Variants in SUN2 observed in about 807,000 individuals in gnomAD.
SUN2 encodes Sad1 and UNC84 domain containing 2, also known as SUN domain-containing protein 2.
In SUN2, 60 loss-of-function variants were observed where a neutral mutation model predicts 100.0. The ratio of observed to expected loss-of-function variants is 0.60; its 90% CI spans 0.49 to 0.74. SUN2 has a LOEUF of 0.74. Among genes scored for constraint, SUN2 ranks in the 30% least tolerant of loss-of-function variants. The pLI, the probability that SUN2 is intolerant of heterozygous loss-of-function variation, is 0.00. For missense variants in SUN2, 834 were observed against 954.6 expected (o/e 0.87, Z 1.66); for synonymous variants, 367 against 403.3 (o/e 0.91, Z 1.08).
chr22:38,745,937 AG>A, intron 7 of SUN2, 126 bp from the exon 8 acceptor site: 17 of 1,372,984 alleles, frequency 1.2e-5, no homozygotes, highest in Non-Finnish European at 1.6e-5. Flanking sequence ...GTGCCCTTCC[AG>A]AGGCATCAGA....
At chr22:38,736,822 T>C (rs2092809870) in intron 17 of SUN2, 1 of 155,638 alleles carries the variant, frequency 6.4e-6, no homozygotes, top group African/African-American at 2.4e-5. Flanking sequence ...GTCCCTTCTC[T>C]CTGGCACATC....
Position 38,751,399 on chromosome 22 carries a change from G to A in SUN2, c.123-26C>T, listed in dbSNP as rs1569305956. The A allele has an allele frequency of 1.9e-6, 3 of 1,611,360 alleles. No homozygotes were observed. The East Asian group carries it at 6.7e-5, about 36-fold the overall frequency. On this transcript the variant is annotated intron_variant, in intron 2 of 17. Coordinates refer to ENST00000689035, the MANE Select transcript of SUN2 (RefSeq NM_015374.3). The stretch of plus-strand genomic sequence containing the variant: ...CTGTGGGACAACCATGAGGGCAGAG[G>A]TAGGGAGCAGGGAGGTGAGCCCAGC...
At chr22:38,752,743 G>C (rs1057511615) in intron 1 of SUN2, 78 bp from the exon 2 acceptor site, 3 of 1,470,784 alleles carry the variant, frequency 2.0e-6, no homozygotes, top group Non-Finnish European at 2.7e-6. Context: ...GTGGGACAGA[G>C]GCATCGCCTC....
In SUN2 at chr22:38,739,521, C is replaced by G; in HGVS notation, c.1579-95G>C. Reference sequence around the variant, plus strand: ...GGGCCAAGGACCCATGGGCTGACCCCTTCTAGGCTTGCACTGTGCTGGTGC... The same window carrying G: ...GGGCCAAGGACCCATGGGCTGACCCGTTCTAGGCTTGCACTGTGCTGGTGC... On this transcript the variant is annotated intron_variant, in intron 13 of 17. Coordinates refer to ENST00000689035, the MANE Select transcript of SUN2 (RefSeq NM_015374.3). This position sits in a 1 kb window ranked among gnomAD's most constrained non-coding sequence, Gnocchi z 6.7. 1 of 1,446,958 alleles carries G rather than the reference C, an allele frequency of 6.9e-7. No individual in the cohort carries two copies. The highest frequency in any genetic ancestry group is 2.4e-5 in the East Asian group (1 of 41,592). The allele number at this position is 1,446,958 out of a possible 1,614,324, so 89.6% of individuals were successfully genotyped here. A position where few individuals can be genotyped will look rare whatever the true frequency, so the allele number is the denominator to read the frequency against.
intron 7 of SUN2, among the ~76,000 whole-genome samples, chr22:38,747,759 A>G (rs557294502): frequency 9.0e-4 from 136 of 151,006 alleles, no homozygotes; most frequent in South Asian, 2.5e-3. Context: ...CCTGGCCAAC[A>G]TGGTGAAACC....
intron 4 of SUN2, among the ~76,000 whole-genome samples, chr22:38,750,624 G>C (rs2092937952): frequency 6.6e-6 from 1 of 152,240 alleles, no homozygotes. Flanking sequence ...AGCCCCACAG[G>C]AAAGTGCTGG....
rs2092871284 is a variant in SUN2 at position 38,742,810 on chromosome 22, C to G, written c.814-255G>C. 1.1e-5 allele frequency: 5 copies of G among 463,712 alleles called. No individual in the cohort carries two copies. The South Asian group carries it at 1.2e-4, about 11-fold the overall frequency. The allele number at this position is 463,712 out of a possible 1,614,324, so 28.7% of individuals were successfully genotyped here. On this transcript the variant is annotated intron_variant, in intron 8 of 17. Transcript: ENST00000689035. ...GAGGACACAGTACCGAAGTCTGATCCCAGAGGAGGAAGGAAGGTGGGCCGG... is the reference window on the plus strand; with the variant it reads ...GAGGACACAGTACCGAAGTCTGATCGCAGAGGAGGAAGGAAGGTGGGCCGG...
intron 7 of SUN2, among the ~76,000 whole-genome samples, chr22:38,746,126 T>C (rs528581734): frequency 1.3e-5 from 2 of 152,340 alleles, no homozygotes; most frequent in South Asian, 4.1e-4. Context: ...CTGATGGTGG[T>C]TCTCAGCCCT....
rs529640737 is a variant in SUN2, at chr22:38,740,925, G to T, written c.1190+82C>A. 99 of 1,410,648 alleles carry T rather than the reference G, an allele frequency of 7.0e-5. No homozygotes were observed. Among genetic ancestry groups the T allele is most frequent in the Non-Finnish European group, 9.3e-5 (95 of 1,023,376 alleles). The allele number at this position is 1,410,648 out of a possible 1,614,324, so 87.4% of individuals were successfully genotyped here. ...CAAGATGATCAGAACTCTCTGCTCT[G>T]CGGCTCTGCTCCCCAGTCCTGCCTG... On this transcript the variant is annotated intron_variant, in intron 11 of 17. Transcript: ENST00000689035. This position sits in a 1 kb window ranked among gnomAD's most constrained non-coding sequence, Gnocchi z 4.8.
At chr22:38,742,017 G>A (rs1156262619) in intron 9 of SUN2, among the ~76,000 whole-genome samples, 1 of 152,094 alleles carries the variant, frequency 6.6e-6, no homozygotes, top group South Asian at 2.1e-4. Context: ...GTGCACGCCT[G>A]TAATCCAGCT....
intron 4 of SUN2, 89 bp downstream of exon 4, chr22:38,750,809 C>G (rs190604592): frequency 6.4e-7 from 1 of 1,566,268 alleles, no homozygotes; most frequent in African/African-American, 1.4e-5. Context: ...ATGCTGCCCT[C>G]TCTCCAGCTC....
rs145042745 is a variant in SUN2 at position 38,749,782 on chromosome 22, C to T, written c.598G>A (p.Val200Ile). 6.2e-6 allele frequency: 10 copies of T among 1,614,036 alleles called. No individual in the cohort carries two copies. Among genetic ancestry groups the T allele is most frequent in the East Asian group, 2.2e-5 (1 of 44,896 alleles). Residue 200 changes from valine (V) to isoleucine (I), a missense_variant, in exon 6 of 18, where the codon GTC (valine) becomes ATC (isoleucine). By Grantham distance (29) the Val-to-Ile change is conservative (BLOSUM62 3). Coordinates refer to ENST00000689035, the MANE Select transcript of SUN2 (RefSeq NM_015374.3). ...RLTTAASLLD[V>I]FVLTRRFSSL... is the part of the protein sequence containing the mutation. ...CTCGCTCACCTGGTTAAAACGAAGACGTCAAGGAGGGAGGCAGCTGTGGTC... is the reference window on the plus strand; with the variant it reads ...CTCGCTCACCTGGTTAAAACGAAGATGTCAAGGAGGGAGGCAGCTGTGGTC...
Position 38,736,199 on chromosome 22 carries a change from G to C in SUN2, c.*68C>G. 1 of 1,444,536 alleles carries C rather than the reference G, an allele frequency of 6.9e-7. No individual in the cohort carries two copies. The highest frequency in any genetic ancestry group is 1.2e-5 in the South Asian group (1 of 86,292). 89.5% of individuals were successfully genotyped at this position (1,444,536 alleles called of 1,614,324 possible). ...AGAAGTCAGAGCGCCGAGCAAGCGT[G>C]TGGGGGAAGCGGCGGGGTGCTGTTC... On this transcript the variant is annotated 3_prime_UTR_variant, in exon 18 of 18. Transcript: ENST00000689035.
chr22:38,754,938 C>T, intron 1 of SUN2: 1 of 1,289,308 alleles, frequency 7.8e-7, no homozygotes, highest in Non-Finnish European at 1.0e-6. Context: ...GGTCGAGGCC[C>T]CATTCTCCAA....
rs762835031 is a variant in SUN2 at position 38,752,496 on chromosome 22, T to G, written c.122+11A>C. The G allele has an allele frequency of 6.2e-7, 1 of 1,604,714 alleles. No individual in the cohort carries two copies. Among genetic ancestry groups the G allele is most frequent in the African/African-American group, 1.3e-5 (1 of 74,778 alleles). ...GCTGTCAGGGGCCGTGGCACTCCCTTGGGTCCCTACCTGAGAGGACTGTCT... is the reference window on the plus strand; with the variant it reads ...GCTGTCAGGGGCCGTGGCACTCCCTGGGGTCCCTACCTGAGAGGACTGTCT... On this transcript the variant is annotated intron_variant, in intron 2 of 17. Coordinates refer to ENST00000689035, the MANE Select transcript of SUN2 (RefSeq NM_015374.3).
Position 38,741,508 on chromosome 22 carries a change from C to T in SUN2, c.1132G>A (p.Val378Ile), listed in dbSNP as rs139004902. ...AGCCCGCTGACCTGGGAGGCCCGGA[C>T]GATCTTCTTGAAGAGGTCTTCTGAG... is the stretch of plus-strand genomic sequence containing the variant. ...QDSEDLFKKI[V>I]RASQESEARI... The change falls in exon 10 of 18, where the codon GTC becomes ATC. Residue 378 changes from valine to isoleucine, a missense_variant. Physicochemically the swap from Val to Ile is conservative, Grantham distance 29. Around this residue, in one of 3 missense-constraint regions of SUN2, gnomAD observed 559 missense variants for 597.7 expected, o/e 0.94. Coordinates refer to ENST00000689035, the MANE Select transcript of SUN2 (RefSeq NM_015374.3). The T allele has an allele frequency of 8.5e-3, 13,685 of 1,613,910 alleles. 63 individuals carry two copies. The highest frequency in any genetic ancestry group is 9.6e-3 in the Non-Finnish European group (11,366 of 1,179,978).
intron 1 of SUN2, among the ~76,000 whole-genome samples, chr22:38,753,413 G>A (rs575186872): frequency 2.6e-5 from 4 of 151,722 alleles, no homozygotes; most frequent in East Asian, 3.9e-4. Flanking sequence ...ACGGGGTTTC[G>A]CCATGTTGGC....
rs757921553 is a variant in SUN2 at position 38,748,792 on chromosome 22, C to T, written c.615-9G>A. On this transcript the variant is annotated splice_polypyrimidine_tract_variant and intron_variant, in intron 6 of 17. Coordinates refer to ENST00000689035, the MANE Select transcript of SUN2 (RefSeq NM_015374.3). ...TCAGGGACGAGAAGCGCCTGGACCACGCGGGAGGGCAGGACGGGGGAGGCG... is the reference window on the plus strand; with the variant it reads ...TCAGGGACGAGAAGCGCCTGGACCATGCGGGAGGGCAGGACGGGGGAGGCG... 7.4e-5 allele frequency: 120 copies of T among 1,614,060 alleles called. No homozygotes were observed. Among genetic ancestry groups the T allele is most frequent in the Non-Finnish European group, 9.4e-5 (111 of 1,180,028 alleles).
intron 5 of SUN2, 114 bp from the exon 6 acceptor site, chr22:38,749,973 C>T (rs1264128322): frequency 1.2e-5 from 13 of 1,057,650 alleles, no homozygotes; most frequent in Non-Finnish European, 1.6e-5. Context: ...CAGTATGCCT[C>T]TGTCCTGCCC....
Sources: allele counts gnomAD v4.1 joint callset (sites outside exome capture counted in the v4.1 genomes callset), GRCh38; gene constraint gnomAD v4.1.1; regional missense constraint gnomAD v4.1.1; non-coding constraint Gnocchi (gnomAD v3.1); transcripts MANE v1.5; gene names NCBI Gene and HGNC (gene_info 2026-07-23, HGNC 2026-07-21).